Variants in SGCD observed in about 807,000 individuals in gnomAD.
The protein encoded by SGCD is sarcoglycan delta, also known as delta-sarcoglycan.
In SGCD, 18 loss-of-function variants were observed where a neutral mutation model predicts 36.6. That is an observed-to-expected ratio of 0.49 (90% CI 0.34 to 0.73). SGCD has a LOEUF of 0.73. SGCD is among the 30% of genes least tolerant of loss of function. The pLI is 0.01. For synonymous variants in SGCD, 133 were observed against 130.6 expected (o/e 1.02, Z -0.12); for missense variants, 387 against 346.7 (o/e 1.12, Z -0.92).
intron 1 of SGCD, among the ~76,000 whole-genome samples, chr5:156,070,582 C>G (rs1402045603): frequency 2.6e-5 from 4 of 151,792 alleles, no homozygotes; most frequent in Non-Finnish European, 5.9e-5. Flanking sequence ...GGATATTGGT[C>G]TAAAATTCTC....
chr5:156,075,888 G>C (rs1760770535), intron 1 of SGCD, among the ~76,000 whole-genome samples: 1 of 152,172 alleles, frequency 6.6e-6, no homozygotes, highest in South Asian at 2.1e-4. Context: ...ACTGCTGACT[G>C]TGATGAGAAT....
rs138900599 is a variant in SGCD, at chr5:156,506,677, A to G, written c.193-1924A>G. Among the ~76,000 whole-genome samples, 123 of 152,322 alleles carry G rather than the reference A, an allele frequency of 8.1e-4. 1 individual carries two copies. Among genetic ancestry groups the G allele is most frequent in the African/African-American group, 2.5e-3 (106 of 41,576 alleles). On this transcript the variant is annotated intron_variant, in intron 3 of 8. Coordinates refer to ENST00000337851, the MANE Select transcript of SGCD (RefSeq NM_000337.6). Reference sequence around the variant, plus strand: ...AAATTAGAAAATTATAGGGATAATAATTGGGCTAGAATGAAACAAATGAAA... The same window carrying G: ...AAATTAGAAAATTATAGGGATAATAGTTGGGCTAGAATGAAACAAATGAAA...
At chr5:155,890,887 C>T (rs766998613) in intron 1 of SGCD, among the ~76,000 whole-genome samples, 2 of 152,072 alleles carry the variant, frequency 1.3e-5, no homozygotes, top group African/African-American at 2.4e-5. Context: ...AGAGTTCAGT[C>T]GGCCTAGCTT....
chr5:156,447,067 A>T (rs1233613685), intron 3 of SGCD, among the ~76,000 whole-genome samples: 1 of 152,160 alleles, frequency 6.6e-6, no homozygotes, highest in Non-Finnish European at 1.5e-5. Flanking sequence ...TCTAGACAGG[A>T]TTCTAAGGAT....
intron 3 of SGCD, among the ~76,000 whole-genome samples, chr5:156,127,456 A>G (rs1008947401): frequency 1.3e-5 from 2 of 152,022 alleles, no homozygotes; most frequent in African/African-American, 4.8e-5. Flanking sequence ...ATAGAAAATA[A>G]AAGAAAAGAA....
intron 4 of SGCD, among the ~76,000 whole-genome samples, chr5:156,524,081 AAGTG>A (rs1403560641): frequency 8.6e-6 from 1 of 116,616 alleles, no homozygotes; most frequent in Non-Finnish European, 1.7e-5. Flanking sequence ...GGATGATGAT[AAGTG>A]AGGTCTTACT....
chr5:156,716,923 A>G (rs1442788591), intron 7 of SGCD, among the ~76,000 whole-genome samples: 1 of 152,146 alleles, frequency 6.6e-6, no homozygotes, highest in Non-Finnish European at 1.5e-5. Context: ...TCTCCATATT[A>G]TGCTTTTTAA....
At chr5:156,038,756 G>A (rs560369103) in intron 1 of SGCD, among the ~76,000 whole-genome samples, 1 of 152,188 alleles carries the variant, frequency 6.6e-6, no homozygotes, top group East Asian at 1.9e-4. Context: ...TTCTTCCTTG[G>A]GGATCTTTGC....
chr5:156,516,592 G>T (rs956079068), intron 4 of SGCD, among the ~76,000 whole-genome samples: 1 of 152,146 alleles, frequency 6.6e-6, no homozygotes, highest in South Asian at 2.1e-4. Flanking sequence ...AACTCAAAAG[G>T]CCAGAGTGCC....
chr5:156,580,015 T>TG, intron 4 of SGCD, among the ~76,000 whole-genome samples: 1 of 152,250 alleles, frequency 6.6e-6, no homozygotes, highest in Non-Finnish European at 1.5e-5. Context: ...GCATTGATGG[T>TG]CTTTACAATT....
intron 1 of SGCD, among the ~76,000 whole-genome samples, chr5:156,085,700 A>G (rs1561713659): frequency 2.6e-5 from 4 of 152,228 alleles, no homozygotes; most frequent in Admixed American, 6.5e-5. Flanking sequence ...TAAAATTACT[A>G]TTCTTTAAAT....
At chr5:155,738,864 TGA>T in the SGCD span, among the ~76,000 whole-genome samples, 2 of 145,046 alleles carry the variant, frequency 1.4e-5, no homozygotes, top group South Asian at 4.4e-4. Flanking sequence ...TGAGAGTGTG[TGA>T]GTGCGTGTGA....
At chr5:156,576,539 C>T (rs10214042) in intron 4 of SGCD, among the ~76,000 whole-genome samples, 5,241 of 152,284 alleles carry the variant, frequency 0.034, 213 homozygotes, top group African/African-American at 0.09. Flanking sequence ...ACACTCCCAC[C>T]AACAGTGTAA....
At chr5:155,874,148 G>A (rs938199490) in intron 1 of SGCD, among the ~76,000 whole-genome samples, 2 of 152,056 alleles carry the variant, frequency 1.3e-5, no homozygotes, top group Non-Finnish European at 1.5e-5. Flanking sequence ...GAAGGGGATA[G>A]GAGAATTCCT....
intron 7 of SGCD, among the ~76,000 whole-genome samples, chr5:156,725,503 C>G (rs1755730510): frequency 6.6e-6 from 1 of 152,176 alleles, no homozygotes; most frequent in African/African-American, 2.4e-5. Context: ...AGTCCAGAGC[C>G]AGCTGGGTCT....
the SGCD span, among the ~76,000 whole-genome samples, chr5:155,780,829 ACC>A: frequency 6.6e-6 from 1 of 152,182 alleles, no homozygotes; most frequent in Non-Finnish European, 1.5e-5. Flanking sequence ...GGAATAAAAG[ACC>A]CCAAAGGACT....
At chr5:156,354,291 GT>G (rs1769395767) in intron 3 of SGCD, among the ~76,000 whole-genome samples, 1 of 152,112 alleles carries the variant, frequency 6.6e-6, no homozygotes, top group South Asian at 2.1e-4. Context: ...TGTGATTATA[GT>G]CTGGAAGCTG....
chr5:156,677,632 A>G (rs1200460385), intron 7 of SGCD, among the ~76,000 whole-genome samples: 1 of 152,142 alleles, frequency 6.6e-6, no homozygotes, highest in East Asian at 1.9e-4. Context: ...GCACATGTAC[A>G]CATATGTAAC....
At chr5:156,273,690 A>T (rs1363960404) in intron 3 of SGCD, among the ~76,000 whole-genome samples, 1 of 152,160 alleles carries the variant, frequency 6.6e-6, no homozygotes, top group Non-Finnish European at 1.5e-5. Flanking sequence ...ACACTTTCAA[A>T]ATTTGGCTTT....
Sources: gnomAD v4.1 joint callset for allele counts (sites outside exome capture counted in the v4.1 genomes callset) on GRCh38, gnomAD v4.1.1 for gene constraint, MANE v1.5 for transcripts, NCBI Gene and HGNC (gene_info 2026-07-23, HGNC 2026-07-21) for gene names.